Variants in FAM135B observed in about 807,000 individuals in gnomAD.
FAM135B encodes the protein protein FAM135B.
Under a neutral mutation model 127.7 loss-of-function variants are expected in FAM135B, and 43 were observed. The observed-to-expected ratio is 0.34, with a 90% CI of 0.26 to 0.43. FAM135B has a LOEUF of 0.43. FAM135B is among the 20% of genes least tolerant of loss of function. FAM135B has a pLI of 1.00. For missense variants in FAM135B, 1,558 were observed against 1,725.6 expected, an observed-to-expected ratio of 0.90 and a Z score of 1.72; for synonymous variants, 670 against 665.1, an observed-to-expected ratio of 1.01 and a Z score of -0.11.
chr8:138,427,311 A>C (rs1266188537), intron 1 of FAM135B, among the ~76,000 whole-genome samples: 1 of 150,068 alleles, frequency 6.7e-6, no homozygotes, highest in Non-Finnish European at 1.5e-5. Flanking sequence ...CATTCTACAA[A>C]TATATATATA....
At chr8:138,262,810 G>A (rs538892513) in intron 4 of FAM135B, among the ~76,000 whole-genome samples, 27 of 148,020 alleles carry the variant, frequency 1.8e-4, no homozygotes, top group Admixed American at 1.2e-3. Context: ...GCTGAGACAG[G>A]AGAATCACTT....
intron 6 of FAM135B, among the ~76,000 whole-genome samples, chr8:138,246,848 A>G (rs1441429768): frequency 6.6e-6 from 1 of 152,252 alleles, no homozygotes; most frequent in Admixed American, 6.5e-5. Context: ...TGTACCCTGC[A>G]AAGTCAAGGG....
chr8:138,315,108 C>T (rs1287913734), intron 2 of FAM135B, among the ~76,000 whole-genome samples: 1 of 151,900 alleles, frequency 6.6e-6, no homozygotes, highest in Non-Finnish European at 1.5e-5. Flanking sequence ...AATCATGCAA[C>T]TCAATAGCAG....
chr8:138,165,633 T>C (rs1016016327), intron 12 of FAM135B, among the ~76,000 whole-genome samples: 1 of 150,806 alleles, frequency 6.6e-6, no homozygotes, highest in Non-Finnish European at 1.5e-5. Context: ...AGATTCTCTG[T>C]AGTTAAATCA....
intron 7 of FAM135B, among the ~76,000 whole-genome samples, chr8:138,232,843 A>G (rs1820004152): frequency 2.0e-5 from 3 of 152,172 alleles, no homozygotes; most frequent in Admixed American, 6.5e-5. Context: ...GTAAGTGTTC[A>G]ATACAGTATT....
At chr8:138,284,235 A>G (rs1333632051) in intron 3 of FAM135B, among the ~76,000 whole-genome samples, 1 of 151,940 alleles carries the variant, frequency 6.6e-6, no homozygotes, top group African/African-American at 2.4e-5. Context: ...TCCATGTGTA[A>G]TCCCTCAACA....
In FAM135B at chr8:138,265,750, T is replaced by G. The variant is rs774016466; in HGVS notation, c.250A>C (p.Asn84His). The G allele has an allele frequency of 6.2e-7, 1 of 1,614,022 alleles. No individual in the cohort carries two copies. The highest frequency in any genetic ancestry group is 8.5e-7 in the Non-Finnish European group (1 of 1,180,002). ...ILYRNEEVPI[N>H]DAVVFRVHLL... ...TGAACTCGGAAGACCACAGCATCAT[T>G]TATGGGTACCTCTTCATTCCGGTAT... The change falls in exon 4 of 20, where the codon AAT (asparagine) becomes CAT (histidine). Residue 84 changes from asparagine to histidine, a missense_variant. Transcript: ENST00000395297.
chr8:138,372,235 T>G (rs1233135652), intron 1 of FAM135B, among the ~76,000 whole-genome samples: 1 of 152,194 alleles, frequency 6.6e-6, no homozygotes, highest in Non-Finnish European at 1.5e-5. Flanking sequence ...GTACTGCCCT[T>G]CACTGTGTAA....
At chr8:138,201,239 C>A (rs1053384349) in intron 7 of FAM135B, among the ~76,000 whole-genome samples, 5 of 152,168 alleles carry the variant, frequency 3.3e-5, no homozygotes, top group African/African-American at 4.8e-5. Context: ...TCTCATTCTG[C>A]AAAGCTTCAG....
chr8:138,287,981 A>C (rs1037333729), intron 3 of FAM135B, among the ~76,000 whole-genome samples: 1 of 152,244 alleles, frequency 6.6e-6, no homozygotes, highest in South Asian at 2.1e-4. Context: ...TAACATGCTC[A>C]AGGAGCATTT....
At position 138,446,256 on chromosome 8, in the gene FAM135B, T is replaced by A. The variant is rs561298846; in HGVS notation, c.-20+50415A>T. 1.6e-3 allele frequency among the ~76,000 whole-genome samples: 248 copies of A among 152,202 alleles called. 1 individual carries two copies. The highest frequency in any genetic ancestry group is 5.8e-3 in the South Asian group (28 of 4,814). The stretch of plus-strand genomic sequence containing the variant: ...AAGGTAATTTATAGATTCAGTGCCA[T>A]CCCCATCAAGCTACCAATGACTTTC... On this transcript the variant is annotated intron_variant, in intron 1 of 19. Transcript: ENST00000395297.
chr8:138,472,575 G>C (rs1837740053), intron 1 of FAM135B, among the ~76,000 whole-genome samples: 2 of 151,748 alleles, frequency 1.3e-5, no homozygotes, highest in Admixed American at 1.3e-4. Context: ...TAATTTGGAA[G>C]ATTTTGAACA....
chr8:138,339,908 G>T (rs977398499), intron 2 of FAM135B, among the ~76,000 whole-genome samples: 7 of 152,132 alleles, frequency 4.6e-5, no homozygotes, highest in African/African-American at 1.7e-4. Flanking sequence ...AAGCGTGGGG[G>T]CTGTGCTTTA....
intron 1 of FAM135B, among the ~76,000 whole-genome samples, chr8:138,415,713 A>C (rs2131426357): frequency 6.6e-6 from 1 of 152,318 alleles, no homozygotes; most frequent in Non-Finnish European, 1.5e-5. Context: ...GGAGTTAATT[A>C]GTGTGAAGAG....
At chr8:138,370,342 G>C (rs1831033734) in intron 1 of FAM135B, among the ~76,000 whole-genome samples, 1 of 152,108 alleles carries the variant, frequency 6.6e-6, no homozygotes, top group Non-Finnish European at 1.5e-5. Flanking sequence ...ACAGCTTCTT[G>C]GTGGGAAATT....
chr8:138,262,428 G>C lies in FAM135B; in HGVS notation c.297+3275C>G, dbSNP rs116832029. Among the ~76,000 whole-genome samples, 543 of 152,286 alleles carry C rather than the reference G, an allele frequency of 3.6e-3. 1 individual carries two copies. The highest frequency in any genetic ancestry group is 0.012 in the African/African-American group (511 of 41,560). On this transcript the variant is annotated intron_variant, in intron 4 of 19. Coordinates refer to ENST00000395297, the MANE Select transcript of FAM135B (RefSeq NM_015912.4). Reference sequence around the variant, plus strand: ...ATTGGGATTTGGGGAAGTGGACCTTGAGCTTGCAGTCTGTTTAACTGGGAG... The same window carrying C: ...ATTGGGATTTGGGGAAGTGGACCTTCAGCTTGCAGTCTGTTTAACTGGGAG...
intron 1 of FAM135B, among the ~76,000 whole-genome samples, chr8:138,471,864 C>G (rs1412769150): frequency 6.6e-6 from 1 of 151,720 alleles, no homozygotes; most frequent in Admixed American, 6.6e-5. Flanking sequence ...TATTATATGA[C>G]AGATAGGAGG....
At chr8:138,239,987 C>T (rs565771941) in intron 7 of FAM135B, among the ~76,000 whole-genome samples, 66 of 89,872 alleles carry the variant, frequency 7.3e-4, no homozygotes, top group African/African-American at 2.7e-3. Context: ...CATCACACAC[C>T]AGGGCCTGTC....
chr8:138,188,031 G>A (rs1472881474), intron 9 of FAM135B, among the ~76,000 whole-genome samples: 1 of 151,876 alleles, frequency 6.6e-6, no homozygotes, highest in Non-Finnish European at 1.5e-5. Context: ...GTGTACAGGT[G>A]AGGACACTCA....
Sources: gnomAD v4.1 joint callset for allele counts (sites outside exome capture counted in the v4.1 genomes callset) on GRCh38, gnomAD v4.1.1 for gene constraint, MANE v1.5 for transcripts, NCBI Gene and HGNC (gene_info 2026-07-23, HGNC 2026-07-21) for gene names.